UPF3B: variants seen among roughly 807,000 people sequenced by gnomAD.
UPF3B encodes the protein UPF3B regulator of nonsense mediated mRNA decay.
A neutral mutation model predicts 40.3 loss-of-function variants in UPF3B; 7 were observed. The ratio of observed to expected loss-of-function variants is 0.17; its 90% CI spans 0.10 to 0.33. UPF3B has a LOEUF of 0.33. Among genes scored for constraint, UPF3B ranks in the 10% least tolerant of loss-of-function variants. The pLI is 1.00. For synonymous variants in UPF3B, 117 were observed against 117.3 expected (o/e 1.00, Z 0.01); for missense variants, 229 against 358.9 (o/e 0.64, Z 2.93).
chrX:119,806,880 T>G (rs1261980364), intron 6 of UPF3B, among the ~76,000 whole-genome samples: 1 of 107,884 alleles, frequency 9.3e-6, no homozygotes, highest in East Asian at 2.9e-4. Context: ...AATACAAAAA[T>G]TAGCCAGGCA....
In UPF3B at chrX:119,834,438, A is replaced by G; in HGVS notation, c.*440T>C. On this transcript the variant is annotated 3_prime_UTR_variant, in exon 11 of 11. Transcript: ENST00000276201. ...TCTACACTACCCAATGTCAACACTT[A>G]TCATCAACAATACAATAGAATTAGA... 2.4e-6 allele frequency: 2 copies of G among 819,288 alleles called. No individual in the cohort carries two copies. Among genetic ancestry groups the G allele is most frequent in the East Asian group, 9.9e-5 (1 of 10,051 alleles). The allele number at this position is 819,288 out of a possible 1,213,427, so 67.5% of individuals were successfully genotyped here.
chrX:119,820,626 A>ATTTT (rs370271993), intron 4 of UPF3B, among the ~76,000 whole-genome samples: 1 of 90,166 alleles, frequency 1.1e-5, no homozygotes, highest in African/African-American at 4.3e-5. Context: ...AGCCTGGCCA[A>ATTTT]TTTTTTTTTT....
intron 10 of UPF3B, among the ~76,000 whole-genome samples, chrX:119,837,419 T>C (rs2056109253): frequency 1.9e-5 from 2 of 106,442 alleles, no homozygotes; most frequent in Non-Finnish European, 3.9e-5. Flanking sequence ...ATCAAGACCA[T>C]CCTGGCTAAC....
downstream of UPF3B, among the ~76,000 whole-genome samples, chrX:119,831,091 T>C (rs145240658): frequency 0.039 from 4,414 of 112,276 alleles, 83 homozygotes; most frequent in East Asian, 0.068. Flanking sequence ...AATTAATTTG[T>C]AGAAATTGCA....
intron 6 of UPF3B, chrX:119,807,446 CCTT>C (rs66669737): frequency 0.4 from 356,107 of 897,730 alleles, 54,936 homozygotes; most frequent in Non-Finnish European, 0.44. Flanking sequence ...CTCCCTTCCT[CCTT>C]CTTTTCTATG....
intron 5 of UPF3B, among the ~76,000 whole-genome samples, chrX:119,809,785 A>G (rs187325065): frequency 5.4e-5 from 6 of 111,767 alleles, no homozygotes; most frequent in African/African-American, 1.9e-4. Flanking sequence ...TCTCAACAGG[A>G]TCTAGTTTGA....
At chrX:119,828,299 A>G (rs1383864581) in intron 3 of UPF3B, among the ~76,000 whole-genome samples, 3 of 111,696 alleles carry the variant, frequency 2.7e-5, no homozygotes, top group Non-Finnish European at 5.7e-5. Context: ...TCCTGACCTC[A>G]GGTGATCCAC....
At chrX:119,848,658 AAT>A in intron 3 of UPF3B, among the ~76,000 whole-genome samples, 1 of 75,370 alleles carries the variant, frequency 1.3e-5, no homozygotes, top group Admixed American at 2.0e-4. Flanking sequence ...GGAATGAGGT[AAT>A]GATATATGTT....
Position 119,815,120 on chromosome X carries a change from C to T in UPF3B, c.602+80G>A, listed in dbSNP as rs11260203. On this transcript the variant is annotated intron_variant, in intron 5 of 6. Coordinates refer to the UPF3B transcript ENST00000636792. ...ACCTCAGGTAATCCACCCGCCTCGGCCTCCCAAGGTGCTGGGATTACAGGC... is the reference window on the plus strand; with the variant it reads ...ACCTCAGGTAATCCACCCGCCTCGGTCTCCCAAGGTGCTGGGATTACAGGC... 5.8e-3 allele frequency: 2,867 copies of T among 493,133 alleles called. 6 individuals are homozygous for T. Among genetic ancestry groups the T allele is most frequent in the Non-Finnish European group, 6.8e-3 (2,726 of 401,713 alleles). 40.6% of individuals were successfully genotyped at this position (493,133 alleles called of 1,213,427 possible).
chrX:119,822,995 G>C (rs1324046004), exon 4 of UPF3B: 3 of 888,690 alleles, frequency 3.4e-6, no homozygotes, highest in Non-Finnish European at 4.2e-6. Context: ...TGCCAGAGTC[G>C]ACCTCGGCCT....
At chrX:119,851,641 T>C in intron 2 of UPF3B, 40 bp from the exon 3 acceptor site, 1 of 1,032,005 alleles carries the variant, frequency 9.7e-7, no homozygotes, top group Non-Finnish European at 1.4e-6. Context: ...TACTCGCAGG[T>C]GTCTGGCCCA....
intron 8 of UPF3B, 196 bp downstream of exon 8, chrX:119,840,450 A>G (rs756345943): frequency 2.6e-6 from 1 of 389,976 alleles, no homozygotes; most frequent in Admixed American, 4.5e-5. Flanking sequence ...ACAGCAGAGC[A>G]TCAGGAAGTC....
At chrX:119,807,054 A>G (rs1047690748) in intron 6 of UPF3B, among the ~76,000 whole-genome samples, 108 of 78,906 alleles carry the variant, frequency 1.4e-3, no homozygotes, top group African/African-American at 0.011. Flanking sequence ...AAAAAAAAGA[A>G]AAAAAAAAAA....
rs143784154 is a variant in UPF3B at position 119,810,803 on chromosome X, T to C, written c.603-3222A>G. On this transcript the variant is annotated intron_variant, in intron 5 of 6. Coordinates refer to the UPF3B transcript ENST00000636792. ...TGGTTTCCTAATGATAAAAAATCTG[T>C]AAAGGGTACCATTTTTTTTCCAGTT... 1.8e-4 allele frequency among the ~76,000 whole-genome samples: 20 copies of C among 111,119 alleles called. No individual in the cohort carries two copies. In the East Asian group the frequency reaches 5.6e-3, roughly 31 times the overall value.
exon 4 of UPF3B, chrX:119,823,003 C>G: frequency 3.2e-5 from 28 of 880,037 alleles, no homozygotes; most frequent in Non-Finnish European, 3.9e-5. Context: ...TCGACCTCGG[C>G]CTCGAGCTCC....
At chrX:119,839,362 T>C (rs972483372) in intron 8 of UPF3B, among the ~76,000 whole-genome samples, 1 of 112,435 alleles carries the variant, frequency 8.9e-6, no homozygotes, top group Non-Finnish European at 1.9e-5. Context: ...ATAACAAGAA[T>C]TATTTGGCAT....
At chrX:119,819,792 AT>A (rs1314221734) in intron 4 of UPF3B, among the ~76,000 whole-genome samples, 2 of 82,867 alleles carry the variant, frequency 2.4e-5, no homozygotes, top group Admixed American at 1.3e-4. Flanking sequence ...AGAAGTTTAT[AT>A]TTTTTTCTTT....
At chrX:119,813,806 AT>A (rs2055842963) in intron 5 of UPF3B, among the ~76,000 whole-genome samples, 1 of 110,365 alleles carries the variant, frequency 9.1e-6, no homozygotes, top group Admixed American at 9.8e-5. Context: ...TCAAGTGGTC[AT>A]CCCACCTCAG....
At chrX:119,829,834 A>G (rs753705008), downstream of UPF3B, among the ~76,000 whole-genome samples, 74 of 111,466 alleles carry the variant, frequency 6.6e-4, no homozygotes, top group Non-Finnish European at 1.1e-3. Context: ...CCCACCTGCC[A>G]TTCACCCCTC....
Sources: gnomAD v4.1 joint callset for allele counts (sites outside exome capture counted in the v4.1 genomes callset) on GRCh38, gnomAD v4.1.1 for gene constraint, MANE v1.5 for transcripts, NCBI Gene and HGNC (gene_info 2026-07-23, HGNC 2026-07-21) for gene names.